MDH1: variants seen among roughly 807,000 people sequenced by gnomAD.
MDH1 encodes malate dehydrogenase 1.
In MDH1, 15 loss-of-function variants were observed where a neutral mutation model predicts 38.7. That is an observed-to-expected ratio of 0.39 (90% CI 0.26 to 0.60). MDH1 has a LOEUF of 0.60. MDH1 is among the 20% of genes least tolerant of loss of function. The pLI, the probability that MDH1 is intolerant of heterozygous loss-of-function variation, is 0.56. For synonymous variants in MDH1, 144 were observed against 143.6 expected, an observed-to-expected ratio of 1.00 and a Z score of -0.02; for missense variants, 368 against 405.2, an observed-to-expected ratio of 0.91 and a Z score of 0.79.
intron 1 of MDH1, chr2:63,594,242 CA>C: frequency 8.6e-6 from 5 of 583,082 alleles, no homozygotes; most frequent in Non-Finnish European, 9.9e-6. Flanking sequence ...TAAAATATCC[CA>C]AAAAAGGTGG....
chr2:63,588,988 C>G lies in MDH1; in HGVS notation c.-56C>G. On this transcript the variant is annotated 5_prime_UTR_variant, in exon 1 of 9. Coordinates refer to ENST00000233114, the MANE Select transcript of MDH1 (RefSeq NM_005917.4). ...GAGTCAGTTCCGCGGTAGAGGTGACCTGACTCTCTGAGGCTCATTTTGCAG... is the reference window on the plus strand; with the variant it reads ...GAGTCAGTTCCGCGGTAGAGGTGACGTGACTCTCTGAGGCTCATTTTGCAG... The G allele has an allele frequency of 6.2e-7, 1 of 1,613,976 alleles. No individual in the cohort carries two copies. Among genetic ancestry groups the G allele is most frequent in the Non-Finnish European group, 8.5e-7 (1 of 1,179,860 alleles).
intron 5 of MDH1, among the ~76,000 whole-genome samples, chr2:63,603,343 G>A (rs1222007871): frequency 6.6e-6 from 1 of 152,132 alleles, no homozygotes; most frequent in Non-Finnish European, 1.5e-5. Context: ...AAATATCAAA[G>A]TGTATTCCTT....
intron 5 of MDH1, 130 bp from the exon 6 acceptor site, chr2:63,604,566 A>G (rs538962551): frequency 1.4e-5 from 10 of 729,078 alleles, no homozygotes; most frequent in Admixed American, 3.0e-5. Context: ...TTACAAGTCA[A>G]TATAACTCTT....
intron 6 of MDH1, 23 bp downstream of exon 6, chr2:63,604,895 C>T: frequency 6.2e-7 from 1 of 1,612,386 alleles, no homozygotes; most frequent in Non-Finnish European, 8.5e-7. Flanking sequence ...TGTGAGCCTT[C>T]TTAACACTGA....
chr2:63,591,012 A>AAT (rs775144809), intron 1 of MDH1: 20 of 152,216 alleles, frequency 1.3e-4, no homozygotes, highest in African/African-American at 4.6e-4. Context: ...GTAATTTAGA[A>AAT]ATATATATAA....
intron 1 of MDH1, among the ~76,000 whole-genome samples, chr2:63,593,838 G>T (rs1709250331): frequency 3.3e-5 from 5 of 152,050 alleles, no homozygotes; most frequent in African/African-American, 1.2e-4. Flanking sequence ...TTGAATATCA[G>T]TTATCTTTGT....
chr2:63,589,237 C>A, intron 1 of MDH1, 191 bp downstream of exon 1: 1 of 1,556,834 alleles, frequency 6.4e-7, no homozygotes, highest in South Asian at 1.2e-5. Context: ...TTCCACCTTG[C>A]GGGGTATGGG....
intron 8 of MDH1, 88 bp from the exon 9 acceptor site, chr2:63,606,774 T>A: frequency 1.1e-6 from 1 of 914,300 alleles, no homozygotes. Context: ...TAAAACGATA[T>A]ACCTCTAAAT....
intron 7 of MDH1, 192 bp from the exon 8 acceptor site, chr2:63,605,747 T>C (rs1709514751): frequency 3.3e-6 from 2 of 613,470 alleles, no homozygotes; most frequent in Admixed American, 2.8e-5. Flanking sequence ...TCACATATGA[T>C]ATGGAAGCGT....
At chr2:63,598,624 T>A (rs917453103) in intron 4 of MDH1, among the ~76,000 whole-genome samples, 1 of 152,200 alleles carries the variant, frequency 6.6e-6, no homozygotes, top group South Asian at 2.1e-4. Context: ...ATATCTGCAT[T>A]TTTTGCTTTC....
chr2:63,591,349 A>G (rs1460533350), intron 1 of MDH1, among the ~76,000 whole-genome samples: 1 of 152,228 alleles, frequency 6.6e-6, no homozygotes, highest in Non-Finnish European at 1.5e-5. Flanking sequence ...ACATTCAAAC[A>G]CTAAGCCTCA....
At chr2:63,589,097 G>GT (rs1558855425) in intron 1 of MDH1, 51 bp downstream of exon 1, 3 of 1,614,170 alleles carry the variant, frequency 1.9e-6, no homozygotes, top group Non-Finnish European at 8.5e-7. Flanking sequence ...GCGCCCTTGA[G>GT]TGGGGTTTCT....
At chr2:63,597,371 C>T (rs1709333577) in intron 3 of MDH1, 28 bp from the exon 4 acceptor site, 2 of 1,338,774 alleles carry the variant, frequency 1.5e-6, no homozygotes, top group Non-Finnish European at 1.9e-6. Flanking sequence ...GTTTAAGTAG[C>T]TCTGCGTATT....
chr2:63,597,255 TTCTC>T (rs1183128593), intron 3 of MDH1, 140 bp from the exon 4 acceptor site: 1 of 1,231,558 alleles, frequency 8.1e-7, no homozygotes, highest in African/African-American at 1.6e-5. Context: ...TATATTATCT[TTCTC>T]AGGCTCCTGA....
intron 5 of MDH1, among the ~76,000 whole-genome samples, 189 bp from the exon 6 acceptor site, chr2:63,604,507 C>G (rs1313001414): frequency 2.6e-5 from 4 of 152,320 alleles, no homozygotes; most frequent in Middle Eastern, 3.4e-3. Flanking sequence ...ACAGTTGTTA[C>G]CACTGTTAAG....
At chr2:63,592,886 A>G (rs1235672243) in intron 1 of MDH1, among the ~76,000 whole-genome samples, 1 of 152,122 alleles carries the variant, frequency 6.6e-6, no homozygotes, top group East Asian at 1.9e-4. Context: ...TCTAAAGGGA[A>G]AGGGAGTAAT....
intron 1 of MDH1, chr2:63,589,818 G>T (rs1483734173): frequency 4.3e-6 from 1 of 230,412 alleles, no homozygotes; most frequent in Non-Finnish European, 8.8e-6. Flanking sequence ...GAACTCTGGC[G>T]TAGGAATAAT....
At position 63,606,898 on chromosome 2, in the gene MDH1, A is replaced by C. The variant is rs1558864677; in HGVS notation, c.916A>C (p.Asn306His). ...TWKFVEGLPINDFSREKMDLT... is the reference protein window; with the variant it reads ...TWKFVEGLPIHDFSREKMDLT... ...GAAGTTTGTTGAAGGTCTCCCTATTAATGATTTCTCACGTGAGAAGATGGA... is the reference window on the plus strand; with the variant it reads ...GAAGTTTGTTGAAGGTCTCCCTATTCATGATTTCTCACGTGAGAAGATGGA... Residue 306 changes from asparagine to histidine, a missense_variant, in exon 9 of 9, where the codon AAT (asparagine) becomes CAT (histidine). By Grantham distance (68) the Asn-to-His change is moderately conservative (BLOSUM62 1). Transcript: ENST00000233114. 6 of 1,611,762 alleles carry C rather than the reference A, an allele frequency of 3.7e-6. No homozygotes were observed. In the Admixed American group the frequency reaches 5.0e-5, roughly 13 times the overall value.
At chr2:63,603,255 A>G (rs1241485894) in intron 5 of MDH1, among the ~76,000 whole-genome samples, 1 of 151,962 alleles carries the variant, frequency 6.6e-6, no homozygotes, top group Non-Finnish European at 1.5e-5. Flanking sequence ...CGCGCCTGGC[A>G]TATTTAACCA....
Sources: allele counts gnomAD v4.1 joint callset (sites outside exome capture counted in the v4.1 genomes callset), GRCh38; gene constraint gnomAD v4.1.1; transcripts MANE v1.5; gene names NCBI Gene and HGNC (gene_info 2026-07-23, HGNC 2026-07-21).